The following ARHGAP21 variants were observed in gnomAD, a reference collection of about 807,000 sequenced individuals.
ARHGAP21 encodes the protein rho GTPase-activating protein 21.
A neutral mutation model predicts 164.6 loss-of-function variants in ARHGAP21; 38 were observed. The observed-to-expected ratio is 0.23, with a 90% CI of 0.18 to 0.30. The LOEUF is 0.30. Among genes scored for constraint, ARHGAP21 ranks in the 10% least tolerant of loss-of-function variants. The probability of loss-of-function intolerance (pLI) is 1.00; values close to 1 mark genes in which losing one functional copy is unlikely to be tolerated. For synonymous variants in ARHGAP21, 766 were observed against 857.9 expected (o/e 0.89, Z 1.87); for missense variants, 1,822 against 2,370.7 (o/e 0.77, Z 4.81).
intron 25 of ARHGAP21, among the ~76,000 whole-genome samples, chr10:24,588,114 T>C (rs2076181302): frequency 6.6e-6 from 1 of 152,186 alleles, no homozygotes; most frequent in Non-Finnish European, 1.5e-5. Flanking sequence ...TTGACTGCAT[T>C]CTGTATAAGG....
At chr10:24,679,695 T>G (rs1441422778) in intron 2 of ARHGAP21, among the ~76,000 whole-genome samples, 47 of 152,258 alleles carry the variant, frequency 3.1e-4, no homozygotes, top group Admixed American at 3.1e-3. Context: ...TCTTAATTTG[T>G]ACTTCCCTTA....
rs771807095 is a variant in ARHGAP21 at position 24,596,869 on chromosome 10, G to A, written c.3348C>T (p.Pro1116=). 2.3e-5 allele frequency: 37 copies of A among 1,605,742 alleles called. No individual in the cohort carries two copies. The East Asian group carries it at 8.3e-4, about 36-fold the overall frequency. The stretch of plus-strand genomic sequence containing the variant: ...TTCTCCATGTGCCTTTGTCTTTTGG[G>A]GGACTGGTATCATCTTTTGATTGCC... ...RKLLSKDDTS[P]PKDKGTWRKG... Residue 1116 remains proline, a synonymous_variant, in exon 17 of 26, where the codon CCC becomes CCT. Transcript: ENST00000396432.
chr10:24,607,987 G>A, intron 9 of ARHGAP21, 84 bp from the exon 10 acceptor site: 1 of 1,297,112 alleles, frequency 7.7e-7, no homozygotes, highest in Non-Finnish European at 1.0e-6. Flanking sequence ...TTATTAAGGG[G>A]GTCAGATAAG....
chr10:24,599,616 T>C (rs186045738), intron 14 of ARHGAP21, among the ~76,000 whole-genome samples: 9 of 152,330 alleles, frequency 5.9e-5, no homozygotes, highest in Admixed American at 5.9e-4. Flanking sequence ...TTTTTGGTTA[T>C]AATAAATAGG....
At chr10:24,656,287 T>G (rs1838901773) in intron 4 of ARHGAP21, among the ~76,000 whole-genome samples, 1 of 93,604 alleles carries the variant, frequency 1.1e-5, no homozygotes, top group Non-Finnish European at 2.1e-5. Context: ...CCGCCCCTAC[T>G]GGGAAGTGAG....
chr10:24,606,637 A>C (rs2077037654), intron 11 of ARHGAP21, among the ~76,000 whole-genome samples: 1 of 152,136 alleles, frequency 6.6e-6, no homozygotes, highest in Non-Finnish European at 1.5e-5. Flanking sequence ...GGATCACCTG[A>C]GATCAGGAGT....
chr10:24,597,416 T>C (rs1309663031), intron 16 of ARHGAP21, 31 bp downstream of exon 16: 19 of 1,600,066 alleles, frequency 1.2e-5, no homozygotes, highest in Admixed American at 5.3e-5. Context: ...TAAATCATTA[T>C]ATTTATTTGT....
Position 24,721,824 on chromosome 10 carries a change from G to A in ARHGAP21, c.63+13C>T. 6.2e-7 allele frequency: 1 copy of A among 1,614,074 alleles called. No homozygotes were observed. The highest frequency in any genetic ancestry group is 8.5e-7 in the Non-Finnish European group (1 of 1,179,976). ...ACCGCCCTGCCGGCCAGGAACGCTG[G>A]CTCCGCGCTTACCTCGCAGGCCTTG... On this transcript the variant is annotated intron_variant, in intron 2 of 25. Transcript: ENST00000396432.
chr10:24,626,149 C>T (rs1204662516), intron 7 of ARHGAP21, among the ~76,000 whole-genome samples: 1 of 152,210 alleles, frequency 6.6e-6, no homozygotes, highest in Non-Finnish European at 1.5e-5. Flanking sequence ...GTTATAAAAA[C>T]CGATTAACTT....
intron 4 of ARHGAP21, among the ~76,000 whole-genome samples, chr10:24,656,241 C>T (rs1456484504): frequency 2.2e-5 from 3 of 133,496 alleles, no homozygotes; most frequent in Non-Finnish European, 3.2e-5. Flanking sequence ...CCCGGCCAGC[C>T]GCCCCGTCCG....
intron 6 of ARHGAP21, among the ~76,000 whole-genome samples, chr10:24,631,671 T>C (rs759002359): frequency 6.6e-6 from 1 of 152,224 alleles, no homozygotes; most frequent in Admixed American, 6.5e-5. Context: ...TTAGAGTTGG[T>C]AGAAACTGAT....
chr10:24,613,696 C>T (rs962672588), intron 9 of ARHGAP21, among the ~76,000 whole-genome samples: 1 of 152,072 alleles, frequency 6.6e-6, no homozygotes, highest in Non-Finnish European at 1.5e-5. Context: ...GTTGTAAATC[C>T]AAGAGGAACT....
chr10:24,624,357 T>TTTTTTTTG (rs1834875123), intron 7 of ARHGAP21, among the ~76,000 whole-genome samples: 1 of 148,210 alleles, frequency 6.7e-6, no homozygotes, highest in Non-Finnish European at 1.5e-5. Context: ...TTTTTTTTTT[T>TTTTTTTTG]GAGACCGAGT....
At chr10:24,596,207 AG>A in intron 17 of ARHGAP21, 164 bp from the exon 18 acceptor site, 1 of 580,140 alleles carries the variant, frequency 1.7e-6, no homozygotes, top group Non-Finnish European at 2.8e-6. Context: ...AACCTGCAAG[AG>A]ATATTTGAGA....
At chr10:24,648,932 G>T in intron 4 of ARHGAP21, 1 of 856,268 alleles carries the variant, frequency 1.2e-6, no homozygotes, top group Non-Finnish European at 1.4e-6. Context: ...TTTCCCACCT[G>T]TCCACTAGAG....
chr10:24,670,829 A>T (rs971735984), intron 2 of ARHGAP21, among the ~76,000 whole-genome samples: 1 of 152,216 alleles, frequency 6.6e-6, no homozygotes, highest in Non-Finnish European at 1.5e-5. Context: ...AACAAAGGAC[A>T]TTAGAAAATA....
chr10:24,605,462 GA>G (rs2076984993), intron 11 of ARHGAP21, among the ~76,000 whole-genome samples: 1 of 152,110 alleles, frequency 6.6e-6, no homozygotes, highest in South Asian at 2.1e-4. Context: ...TAATGAGGAA[GA>G]AATAAAGGCT....
intron 5 of ARHGAP21, among the ~76,000 whole-genome samples, chr10:24,634,642 G>C (rs1290038105): frequency 6.6e-6 from 1 of 152,188 alleles, no homozygotes; most frequent in South Asian, 2.1e-4. Flanking sequence ...GGCACTTCCA[G>C]AACTTGAAAA....
Position 24,583,990 on chromosome 10 carries a change from A to G in ARHGAP21, c.*422T>C, listed in dbSNP as rs921154245. Reference sequence around the variant, plus strand: ...AATGTAATGATATCTGTTACCAATAAAACGCATTCGTTTATTCAATGTAAG... The same window carrying G: ...AATGTAATGATATCTGTTACCAATAGAACGCATTCGTTTATTCAATGTAAG... On this transcript the variant is annotated 3_prime_UTR_variant, in exon 26 of 26. Coordinates refer to ENST00000396432, the MANE Select transcript of ARHGAP21 (RefSeq NM_020824.4). The G allele has an allele frequency of 5.9e-5, 9 of 152,820 alleles. No homozygotes were observed. Among genetic ancestry groups the G allele is most frequent in the African/African-American group, 2.2e-4 (9 of 41,570 alleles). The allele number at this position is 152,820 out of a possible 1,614,324, so 9.5% of individuals were successfully genotyped here.
Sources: gnomAD v4.1 joint callset for allele counts (sites outside exome capture counted in the v4.1 genomes callset) on GRCh38, gnomAD v4.1.1 for gene constraint, MANE v1.5 for transcripts, NCBI Gene and HGNC (gene_info 2026-07-23, HGNC 2026-07-21) for gene names.